Variants in PRLR observed in about 807,000 individuals in gnomAD.
PRLR encodes the protein prolactin receptor, also known as hPRL receptor.
In PRLR, 13 loss-of-function variants were observed where a neutral mutation model predicts 40.2. The ratio of observed to expected loss-of-function variants is 0.32; its 90% CI spans 0.21 to 0.51. PRLR has a LOEUF of 0.51. Among genes scored for constraint, PRLR ranks in the 20% least tolerant of loss-of-function variants. The pLI, the probability that PRLR is intolerant of heterozygous loss-of-function variation, is 0.97. For missense variants in PRLR, 656 were observed against 747.3 expected, an observed-to-expected ratio of 0.88 and a Z score of 1.42; for synonymous variants, 269 against 278.7, an observed-to-expected ratio of 0.97 and a Z score of 0.35.
Position 35,068,812 on chromosome 5 carries a change from A to G in PRLR, c.752T>C (p.Ile251Thr), listed in dbSNP as rs769596985. The G allele has an allele frequency of 6.2e-5, 100 of 1,612,380 alleles. No homozygotes were observed. The highest frequency in any genetic ancestry group is 3.5e-4 in the Admixed American group (21 of 59,966). Residue 251 changes from isoleucine (I) to threonine (T), a missense_variant, in exon 8 of 10, where the codon ATT becomes ACT. Coordinates refer to ENST00000618457, the MANE Select transcript of PRLR (RefSeq NM_000949.7). ...VAVLSAVICL[I>T]IVWAVALKGY... ...CTTCAAAGCCACTGCCCAGACAATA[A>G]TCAAACAGATGACAGCAGAAAGGAC...
intron 3 of PRLR, among the ~76,000 whole-genome samples, chr5:35,087,183 G>A (rs1472606414): frequency 2.6e-5 from 4 of 152,028 alleles, no homozygotes; most frequent in Non-Finnish European, 5.9e-5. Flanking sequence ...GTAGAAATGG[G>A]GTTTCACCAT....
intron 1 of PRLR, among the ~76,000 whole-genome samples, chr5:35,184,283 G>A (rs1032742396): frequency 6.6e-6 from 1 of 152,166 alleles, no homozygotes; most frequent in Non-Finnish European, 1.5e-5. Context: ...GGAGGCTGAG[G>A]TGGGAGGATT....
chr5:35,075,919 G>A (rs1290254208), intron 5 of PRLR, among the ~76,000 whole-genome samples: 2 of 152,206 alleles, frequency 1.3e-5, no homozygotes, highest in Non-Finnish European at 2.9e-5. Flanking sequence ...TGATACCCAG[G>A]CAAACAGGGT....
chr5:35,093,174 C>T (rs1771326454), intron 2 of PRLR, among the ~76,000 whole-genome samples: 1 of 152,140 alleles, frequency 6.6e-6, no homozygotes, highest in African/African-American at 2.4e-5. Context: ...AGTCTCCCTA[C>T]ATGGAAAATC....
intron 2 of PRLR, among the ~76,000 whole-genome samples, chr5:35,098,848 T>C (rs1014297625): frequency 6.6e-6 from 1 of 152,148 alleles, no homozygotes; most frequent in Non-Finnish European, 1.5e-5. Context: ...CCCAAAGACT[T>C]GAAAGGTATT....
intron 9 of PRLR, 84 bp from the exon 10 acceptor site, chr5:35,066,186 T>C (rs1579562817): frequency 4.6e-6 from 6 of 1,315,466 alleles, no homozygotes; most frequent in Non-Finnish European, 5.2e-6. Flanking sequence ...GTGCTGTTCA[T>C]TGCCACAAGC....
chr5:35,055,034 G>C (rs1018860426), downstream of PRLR, among the ~76,000 whole-genome samples: 7 of 152,110 alleles, frequency 4.6e-5, no homozygotes, highest in Non-Finnish European at 8.8e-5. Context: ...ATTTGGATGT[G>C]GGTAAATGAG....
chr5:35,055,587 T>TA (rs1579538627), downstream of PRLR: 2 of 152,092 alleles, frequency 1.3e-5, no homozygotes, highest in South Asian at 2.1e-4. Flanking sequence ...CCTCCTTCTT[T>TA]AAAAAAATCT....
In PRLR at chr5:35,105,271, A is replaced by G. The variant is rs566238505; in HGVS notation, c.-44+12790T>C. On this transcript the variant is annotated intron_variant, in intron 2 of 9. Transcript: ENST00000618457. ...AGATAAAACCACAAAGATGGGGAGA[A>G]ACCAGAGCAGAAAAGCTGAAAATTC... is the stretch of plus-strand genomic sequence containing the variant. 6.9e-3 allele frequency among the ~76,000 whole-genome samples: 1,055 copies of G among 152,360 alleles called. 10 individuals carry two copies. Among genetic ancestry groups the G allele is most frequent in the African/African-American group, 0.025 (1,026 of 41,594 alleles).
At chr5:35,158,058 A>G (rs1774563106) in intron 1 of PRLR, among the ~76,000 whole-genome samples, 2 of 152,156 alleles carry the variant, frequency 1.3e-5, no homozygotes, top group African/African-American at 4.8e-5. Context: ...CCTTTTCTCA[A>G]AGTCAGGTCA....
chr5:35,109,954 C>A (rs1215320671), intron 2 of PRLR, among the ~76,000 whole-genome samples: 1 of 152,210 alleles, frequency 6.6e-6, no homozygotes, highest in East Asian at 1.9e-4. Flanking sequence ...ATAGCAAAGG[C>A]TTGGAGCCAA....
intron 1 of PRLR, among the ~76,000 whole-genome samples, chr5:35,178,647 G>A (rs993164251): frequency 2.0e-5 from 3 of 152,138 alleles, no homozygotes; most frequent in Admixed American, 6.5e-5. Context: ...ACTGAATTAC[G>A]AAATGGAAGT....
At chr5:35,213,946 C>T (rs990632140) in intron 1 of PRLR, among the ~76,000 whole-genome samples, 2 of 152,222 alleles carry the variant, frequency 1.3e-5, no homozygotes, top group Admixed American at 6.5e-5. Context: ...TGAGGTGTGT[C>T]TGCAGACTCT....
chr5:35,187,114 G>A (rs1341848145), intron 1 of PRLR, among the ~76,000 whole-genome samples: 1 of 152,086 alleles, frequency 6.6e-6, no homozygotes, highest in Non-Finnish European at 1.5e-5. Context: ...CTTCAGAAGG[G>A]TGCTGGTCAG....
At chr5:35,066,173 G>A in intron 9 of PRLR, 71 bp from the exon 10 acceptor site, 1 of 1,444,770 alleles carries the variant, frequency 6.9e-7, no homozygotes. Flanking sequence ...TCCCTGCTAA[G>A]TGGTGCTGTT....
intron 1 of PRLR, among the ~76,000 whole-genome samples, chr5:35,203,649 T>C (rs541532337): frequency 1.3e-5 from 2 of 152,272 alleles, no homozygotes; most frequent in East Asian, 3.9e-4. Context: ...TGGGTCTCTG[T>C]GCTCATCGAA....
chr5:35,133,245 T>C (rs1158021083), intron 1 of PRLR, among the ~76,000 whole-genome samples: 1 of 152,208 alleles, frequency 6.6e-6, no homozygotes, highest in Non-Finnish European at 1.5e-5. Flanking sequence ...GGGCTCCAGC[T>C]TGCAGACGGC....
intron 1 of PRLR, among the ~76,000 whole-genome samples, chr5:35,138,175 T>A (rs1773915273): frequency 6.6e-6 from 1 of 152,194 alleles, no homozygotes; most frequent in African/African-American, 2.4e-5. Context: ...GAGCTAGAGA[T>A]GAGCTATTTC....
intron 1 of PRLR, among the ~76,000 whole-genome samples, chr5:35,179,493 G>C (rs535582175): frequency 6.6e-6 from 1 of 152,166 alleles, no homozygotes; most frequent in Non-Finnish European, 1.5e-5. Flanking sequence ...AATTCAGCAT[G>C]GTGGGACAAC....
Sources: allele counts gnomAD v4.1 joint callset (sites outside exome capture counted in the v4.1 genomes callset), GRCh38; gene constraint gnomAD v4.1.1; transcripts MANE v1.5; gene names NCBI Gene and HGNC (gene_info 2026-07-23, HGNC 2026-07-21).